ARMH4: variants seen among roughly 807,000 people sequenced by gnomAD.
ARMH4 encodes the protein armadillo-like helical domain-containing protein 4.
Under a neutral mutation model 61.9 loss-of-function variants are expected in ARMH4, and 49 were observed. The observed-to-expected ratio is 0.79, with a 90% confidence interval of 0.63 to 1.00. The LOEUF (loss-of-function observed/expected upper bound fraction) is 1.00. Ranked by LOEUF, ARMH4 falls within the 50% of genes least tolerant of loss-of-function variation. ARMH4 has a pLI of 0.00. For missense variants in ARMH4, 934 were observed against 930.0 expected, an observed-to-expected ratio of 1.00 and a Z score of -0.06; for synonymous variants, 368 against 341.5, an observed-to-expected ratio of 1.08 and a Z score of -0.85.
chr14:58,078,545 A>T (rs866638760), intron 5 of ARMH4, among the ~76,000 whole-genome samples: 64 of 152,278 alleles, frequency 4.2e-4, no homozygotes, highest in African/African-American at 1.5e-3. Flanking sequence ...AAAAATCCCT[A>T]CTTCTGCCCA....
At chr14:58,009,818 AAAAAAAAAAAGAGAG>A (rs1263227710) in intron 6 of ARMH4, among the ~76,000 whole-genome samples, 11 of 144,470 alleles carry the variant, frequency 7.6e-5, no homozygotes, top group Admixed American at 2.1e-4. Context: ...AAAAAAAAAA[AAAAAAAAAAAGAGAG>A]AGAGAGAGAG....
chr14:58,046,201 G>C (rs1360164716), intron 5 of ARMH4, among the ~76,000 whole-genome samples: 1 of 152,114 alleles, frequency 6.6e-6, no homozygotes, highest in Non-Finnish European at 1.5e-5. Context: ...CCACGGTAAT[G>C]GACCAGGTTT....
intron 6 of ARMH4, among the ~76,000 whole-genome samples, chr14:58,006,282 A>G (rs1292897096): frequency 3.3e-5 from 5 of 152,184 alleles, no homozygotes; most frequent in Non-Finnish European, 4.4e-5. Flanking sequence ...CAAAATACAT[A>G]AACAATTTAA....
intron 5 of ARMH4, among the ~76,000 whole-genome samples, chr14:58,044,769 G>GA (rs1276526804): frequency 1.3e-4 from 20 of 151,936 alleles, no homozygotes; most frequent in Admixed American, 9.8e-4. Flanking sequence ...AAATTTACAA[G>GA]AAAAAAACAA....
chr14:58,041,989 T>C (rs1202548132), intron 5 of ARMH4, among the ~76,000 whole-genome samples: 1 of 151,658 alleles, frequency 6.6e-6, no homozygotes, highest in African/African-American at 2.4e-5. Context: ...TCCCACACAA[T>C]AATAATGGGA....
At chr14:58,052,787 C>G (rs946301562) in intron 5 of ARMH4, among the ~76,000 whole-genome samples, 2 of 152,152 alleles carry the variant, frequency 1.3e-5, no homozygotes, top group African/African-American at 4.8e-5. Flanking sequence ...CCAGCTCTGC[C>G]TCTCCTTTGA....
At chr14:58,101,621 A>C (rs1273159791) in intron 4 of ARMH4, 1 of 151,994 alleles carries the variant, frequency 6.6e-6, no homozygotes, top group African/African-American at 2.4e-5. Flanking sequence ...TAAAAATGAC[A>C]TTTCTAAAAT....
At chr14:58,098,441 A>G (rs1885836484) in intron 4 of ARMH4, among the ~76,000 whole-genome samples, 1 of 152,198 alleles carries the variant, frequency 6.6e-6, no homozygotes, top group Non-Finnish European at 1.5e-5. Context: ...AAACAAACAG[A>G]TACACCAATA....
intron 5 of ARMH4, among the ~76,000 whole-genome samples, chr14:58,059,438 C>A (rs1183232067): frequency 6.6e-6 from 1 of 152,180 alleles, no homozygotes; most frequent in African/African-American, 2.4e-5. Flanking sequence ...GGCAAGGATG[C>A]TAAATTTCAT....
At chr14:58,023,522 T>C (rs905239428) in intron 5 of ARMH4, among the ~76,000 whole-genome samples, 4 of 152,290 alleles carry the variant, frequency 2.6e-5, no homozygotes, top group African/African-American at 7.2e-5. Flanking sequence ...CCTCCTCCAA[T>C]GAAGTCTTGA....
At chr14:58,064,111 G>C (rs964905232) in intron 5 of ARMH4, among the ~76,000 whole-genome samples, 5 of 149,880 alleles carry the variant, frequency 3.3e-5, no homozygotes, top group Admixed American at 2.6e-4. Context: ...TTAAAATTTT[G>C]CCTTAACAAT....
chr14:58,136,323 G>C (rs775214544), intron 2 of ARMH4, among the ~76,000 whole-genome samples: 1 of 152,134 alleles, frequency 6.6e-6, no homozygotes, highest in Non-Finnish European at 1.5e-5. Context: ...GGATTCAATT[G>C]TGCAGTGAAC....
At chr14:58,106,204 A>G (rs1194857570) in intron 4 of ARMH4, among the ~76,000 whole-genome samples, 1 of 152,208 alleles carries the variant, frequency 6.6e-6, no homozygotes, top group African/African-American at 2.4e-5. Context: ...CCATGGAGCT[A>G]ATGGATTTTT....
At chr14:58,057,111 G>GA (rs1030566846) in intron 5 of ARMH4, among the ~76,000 whole-genome samples, 4 of 151,434 alleles carry the variant, frequency 2.6e-5, no homozygotes, top group Non-Finnish European at 4.4e-5. Context: ...TTTTATCTGA[G>GA]AAAAAAAATA....
At chr14:58,043,189 G>A (rs887129835) in intron 5 of ARMH4, among the ~76,000 whole-genome samples, 12 of 152,036 alleles carry the variant, frequency 7.9e-5, no homozygotes, top group African/African-American at 1.7e-4. Flanking sequence ...GAAGAACATC[G>A]ATGCAAAAAT....
chr14:58,086,295 G>A (rs1885376963), intron 5 of ARMH4, among the ~76,000 whole-genome samples: 1 of 152,124 alleles, frequency 6.6e-6, no homozygotes, highest in Non-Finnish European at 1.5e-5. Flanking sequence ...AAAATGTTAG[G>A]TGATGTTCTG....
At chr14:58,147,395 A>ACCTCCT (rs1278140051) in intron 1 of ARMH4, among the ~76,000 whole-genome samples, 2 of 150,522 alleles carry the variant, frequency 1.3e-5, no homozygotes, top group Non-Finnish European at 3.0e-5. Context: ...GCTCACAGCA[A>ACCTCCT]CCTCCTCCTC....
intron 1 of ARMH4, among the ~76,000 whole-genome samples, chr14:58,142,925 G>A (rs1217116435): frequency 1.3e-5 from 2 of 152,058 alleles, no homozygotes; most frequent in Non-Finnish European, 2.9e-5. Flanking sequence ...GAGAAAAAAG[G>A]AATCCATGGA....
At chr14:58,068,413 C>T (rs1360865497) in intron 5 of ARMH4, among the ~76,000 whole-genome samples, 1 of 152,154 alleles carries the variant, frequency 6.6e-6, no homozygotes, top group Non-Finnish European at 1.5e-5. Flanking sequence ...ACGCCACATC[C>T]CTTGTGCTTG....
Sources: allele counts gnomAD v4.1 joint callset (sites outside exome capture counted in the v4.1 genomes callset), GRCh38; gene constraint gnomAD v4.1.1; transcripts MANE v1.5; gene names NCBI Gene and HGNC (gene_info 2026-07-23, HGNC 2026-07-21).